Variants in CSMD1 observed in about 807,000 individuals in gnomAD.
CSMD1 encodes CUB and Sushi multiple domains 1.
CSMD1 carries 213 observed loss-of-function variants against 417.5 expected under a neutral mutation model. The ratio of observed to expected loss-of-function variants is 0.51; its 90% CI spans 0.46 to 0.57. The LOEUF is 0.57. Among genes scored for constraint, CSMD1 ranks in the 20% least tolerant of loss-of-function variants. The pLI is 0.00. For missense variants in CSMD1, 6,923 were observed against 4,529.7 expected (o/e 1.53, Z -15.17); for synonymous variants, 2,862 against 1,736.8 (o/e 1.65, Z -16.11).
At chr8:4,564,494 A>C (rs1039804950) in intron 2 of CSMD1, among the ~76,000 whole-genome samples, 18 of 152,170 alleles carry the variant, frequency 1.2e-4, no homozygotes, top group African/African-American at 4.1e-4. Context: ...CATTCATTCC[A>C]TGACATACTT....
intron 40 of CSMD1, among the ~76,000 whole-genome samples, chr8:3,150,123 T>A (rs915826449): frequency 6.6e-6 from 1 of 152,196 alleles, no homozygotes; most frequent in African/African-American, 2.4e-5. Context: ...GGTCTCCGTT[T>A]CATTTAGCCC....
At chr8:4,844,270 G>A (rs541661287) in intron 1 of CSMD1, among the ~76,000 whole-genome samples, 2 of 152,178 alleles carry the variant, frequency 1.3e-5, no homozygotes, top group Non-Finnish European at 2.9e-5. Context: ...TTGGGGACTC[G>A]GTGTTTTTGT....
At chr8:4,462,432 C>G (rs1799890412) in intron 2 of CSMD1, among the ~76,000 whole-genome samples, 1 of 151,990 alleles carries the variant, frequency 6.6e-6, no homozygotes, top group Non-Finnish European at 1.5e-5. Flanking sequence ...AATTGATTAG[C>G]AAATTTAACA....
chr8:4,541,783 C>G (rs1343673446), intron 2 of CSMD1, among the ~76,000 whole-genome samples: 1 of 151,982 alleles, frequency 6.6e-6, no homozygotes, highest in South Asian at 2.1e-4. Context: ...TCTTATATCA[C>G]CATGCTTGAC....
chr8:3,284,682 A>C, intron 25 of CSMD1: 1 of 265,480 alleles, frequency 3.8e-6, no homozygotes, highest in Non-Finnish European at 7.4e-6. Flanking sequence ...CAAACCAAAT[A>C]TAAGCTTGGC....
At chr8:3,844,445 G>T (rs958877805) in intron 5 of CSMD1, among the ~76,000 whole-genome samples, 1 of 152,182 alleles carries the variant, frequency 6.6e-6, no homozygotes, top group Non-Finnish European at 1.5e-5. Context: ...TGATCCATAG[G>T]AGGTCCAGGG....
At chr8:4,050,288 C>T (rs1365263599) in intron 3 of CSMD1, among the ~76,000 whole-genome samples, 2 of 152,136 alleles carry the variant, frequency 1.3e-5, no homozygotes, top group African/African-American at 4.8e-5. Flanking sequence ...AAGGGAGGAA[C>T]TATGAGCAGC....
chr8:3,210,587 T>C (rs1055716449), intron 30 of CSMD1, among the ~76,000 whole-genome samples: 3 of 141,560 alleles, frequency 2.1e-5, no homozygotes. Flanking sequence ...TGTGTATAAA[T>C]TAATATATAG....
rs771656739 is a variant in CSMD1 at position 3,230,061 on chromosome 8, G to T, written c.4324C>A (p.Pro1442Thr). 1.2e-6 allele frequency: 2 copies of T among 1,607,314 alleles called. No individual in the cohort carries two copies. Among genetic ancestry groups the T allele is most frequent in the South Asian group, 1.1e-5 (1 of 90,278 alleles). ...ATACCTATGCATGTAGGAGGGTCTG[G>T]TTGCCAAAAGAACCGGTTATTCAGC... is the stretch of plus-strand genomic sequence containing the variant. ...VQLNNRFFWQ[P>T]DPPTCIAACG... The change falls in exon 27 of 70, where the codon CCA (proline) becomes ACA (threonine). Residue 1442 changes from proline (P) to threonine (T), a missense_variant. Transcript: ENST00000635120.
chr8:4,454,328 T>G (rs1470430550), intron 2 of CSMD1, among the ~76,000 whole-genome samples: 2 of 152,194 alleles, frequency 1.3e-5, no homozygotes, highest in South Asian at 4.1e-4. Flanking sequence ...TCCTTGTCAG[T>G]AGACATGCAG....
At chr8:4,435,803 C>G (rs552186007) in intron 2 of CSMD1, among the ~76,000 whole-genome samples, 2 of 152,188 alleles carry the variant, frequency 1.3e-5, no homozygotes, top group Non-Finnish European at 2.9e-5. Context: ...GAAGACAGAC[C>G]GTGTCCCGAA....
chr8:4,498,731 C>G (rs1479200694), intron 2 of CSMD1, among the ~76,000 whole-genome samples: 3 of 152,210 alleles, frequency 2.0e-5, no homozygotes, highest in Admixed American at 6.5e-5. Flanking sequence ...AATGCATCAA[C>G]TGTAATCTCT....
At chr8:3,351,593 T>C (rs1163775591) in intron 21 of CSMD1, among the ~76,000 whole-genome samples, 2 of 97,108 alleles carry the variant, frequency 2.1e-5, no homozygotes, top group East Asian at 5.0e-4. Context: ...TGTGAGACTC[T>C]GTTTCAAAAA....
intron 3 of CSMD1, among the ~76,000 whole-genome samples, chr8:4,273,713 G>C (rs535624288): frequency 2.6e-5 from 4 of 152,230 alleles, no homozygotes; most frequent in South Asian, 2.1e-4. Context: ...CAGTTAAAAG[G>C]ATTTGTAGCT....
chr8:3,052,169 A>C (rs757912374), intron 50 of CSMD1, among the ~76,000 whole-genome samples: 8 of 152,186 alleles, frequency 5.3e-5, no homozygotes, highest in Admixed American at 6.5e-5. Context: ...TCTAGATTTC[A>C]TCCCTCCAGA....
intron 1 of CSMD1, among the ~76,000 whole-genome samples, chr8:4,743,224 T>A (rs1002212515): frequency 6.6e-6 from 1 of 152,206 alleles, no homozygotes; most frequent in African/African-American, 2.4e-5. Flanking sequence ...GGTCACATTA[T>A]TTTAGACATA....
At chr8:4,639,418 A>G (rs1477450753) in intron 1 of CSMD1, among the ~76,000 whole-genome samples, 2 of 152,118 alleles carry the variant, frequency 1.3e-5, no homozygotes, top group South Asian at 2.1e-4. Context: ...TACCCTGTAA[A>G]TATTACTATC....
chr8:4,378,503 T>TCC (rs1802896734), intron 3 of CSMD1, among the ~76,000 whole-genome samples: 1 of 152,212 alleles, frequency 6.6e-6, no homozygotes, highest in African/African-American at 2.4e-5. Context: ...TCTCTCTCTC[T>TCC]CTTTCTCTCT....
At chr8:4,429,564 G>C (rs1300664064) in intron 2 of CSMD1, among the ~76,000 whole-genome samples, 1 of 152,126 alleles carries the variant, frequency 6.6e-6, no homozygotes, top group Admixed American at 6.6e-5. Context: ...ATTACAGAAG[G>C]ATTTGGTCCA....
Sources: allele counts gnomAD v4.1 joint callset (sites outside exome capture counted in the v4.1 genomes callset), GRCh38; gene constraint gnomAD v4.1.1; transcripts MANE v1.5; gene names NCBI Gene and HGNC (gene_info 2026-07-23, HGNC 2026-07-21).